The following ZNF320 variants were observed in gnomAD, a reference collection of about 807,000 sequenced individuals.
ZNF320 encodes zinc finger protein 320.
In ZNF320, 2 loss-of-function variants were observed where a neutral mutation model predicts 6.8. The observed-to-expected ratio is 0.29, with a 90% CI of 0.12 to 0.93. The LOEUF is 0.93. Among genes scored for constraint, ZNF320 ranks in the 40% least tolerant of loss-of-function variants. ZNF320 has a pLI of 0.55. For synonymous variants in ZNF320, 208 were observed against 203.2 expected (o/e 1.02, Z -0.20); for missense variants, 472 against 611.0 (o/e 0.77, Z 2.40).
At chr19:52,887,201 T>A (rs1463442604) in intron 5 of ZNF320, among the ~76,000 whole-genome samples, 1 of 152,040 alleles carries the variant, frequency 6.6e-6, no homozygotes, top group African/African-American at 2.4e-5. Context: ...CCATCTGAGC[T>A]CTTACCTGCG....
At chr19:52,869,460 G>C (rs2063639591) in intron 5 of ZNF320, among the ~76,000 whole-genome samples, 1 of 152,204 alleles carries the variant, frequency 6.6e-6, no homozygotes, top group South Asian at 2.1e-4. Context: ...TGAGTAGGTA[G>C]AGCTGTGTTT....
downstream of ZNF320, among the ~76,000 whole-genome samples, chr19:52,860,612 A>G (rs936316131): frequency 7.5e-6 from 1 of 133,602 alleles, no homozygotes; most frequent in African/African-American, 2.8e-5. Context: ...AAAAAAAAAG[A>G]AAAAGAAAAA....
exon 6 of ZNF320, chr19:52,861,889 CGTGAA>C (rs1283159694): frequency 8.1e-6 from 3 of 372,072 alleles, no homozygotes; most frequent in Non-Finnish European, 1.1e-5. Context: ...GACTTGTGAA[CGTGAA>C]GTAAAGACTT....
chr19:52,865,318 AT>A, intron 5 of ZNF320: 1 of 287,500 alleles, frequency 3.5e-6, no homozygotes, highest in Non-Finnish European at 6.6e-6. Context: ...ACGGTACCCC[AT>A]TTCAAATATA....
At chr19:52,892,350 GA>G (rs2064321903) in intron 2 of ZNF320, 1 of 152,390 alleles carries the variant, frequency 6.6e-6, no homozygotes, top group Admixed American at 6.6e-5. Flanking sequence ...TGGGCAACAA[GA>G]GTGAAACTGT....
At position 52,866,937 on chromosome 19, in the gene ZNF320, G is replaced by A. The variant is rs549387509; in HGVS notation, c.224-2778C>T. Among the ~76,000 whole-genome samples, 5 of 150,066 alleles carry A rather than the reference G, an allele frequency of 3.3e-5. No homozygotes were observed. The East Asian group carries it at 5.9e-4, about 18-fold the overall frequency. On this transcript the variant is annotated intron_variant, in intron 5 of 5. Transcript: ENST00000673631. Reference sequence around the variant, plus strand: ...TCAGACGGCTGAATTATGATGTCACGACTACAGTTAAATAACAGTCAGGCA... The same window carrying A: ...TCAGACGGCTGAATTATGATGTCACAACTACAGTTAAATAACAGTCAGGCA...
At chr19:52,867,588 A>T (rs1438558406) in intron 5 of ZNF320, among the ~76,000 whole-genome samples, 1 of 151,884 alleles carries the variant, frequency 6.6e-6, no homozygotes, top group Non-Finnish European at 1.5e-5. Flanking sequence ...CATGAATAGG[A>T]CCAGTGCTTT....
chr19:52,865,434 T>TTATATATATATATATA (rs1555814106), intron 5 of ZNF320: 2 of 152,782 alleles, frequency 1.3e-5, no homozygotes, highest in African/African-American at 6.3e-5. Flanking sequence ...GGTCCAGGCT[T>TTATATATATATATATA]TATATATATA....
chr19:52,886,678 G>A (rs974371752), intron 5 of ZNF320, among the ~76,000 whole-genome samples: 1 of 152,256 alleles, frequency 6.6e-6, no homozygotes, highest in East Asian at 1.9e-4. Context: ...GCTCGCGCCT[G>A]TAATCCCAGC....
intron 3 of ZNF320, among the ~76,000 whole-genome samples, chr19:52,890,669 T>A (rs979538653): frequency 7.4e-5 from 11 of 149,094 alleles, no homozygotes; most frequent in African/African-American, 2.5e-4. Context: ...CTCAGGAGTT[T>A]GTGACTAGCC....
chr19:52,869,803 T>C (rs545543764), intron 5 of ZNF320, among the ~76,000 whole-genome samples: 31 of 152,064 alleles, frequency 2.0e-4, no homozygotes, highest in Middle Eastern at 3.4e-3. Context: ...GCAACTTCCG[T>C]CTAATGGTTT....
chr19:52,864,157 T>C lies in ZNF320; in HGVS notation c.226A>G (p.Ile76Val), dbSNP rs773916766. ...TAGCCACATCTCTGAAAGTCAAGTA[T>C]CCCTAAAATGAGAAACACGTTTAAA... Residue 76 changes from isoleucine to valine, a missense_variant and splice_region_variant, in exon 6 of 6, where the codon ATA (isoleucine) becomes GTA (valine). Coordinates refer to the ZNF320 transcript ENST00000673631. 2.0e-5 allele frequency: 5 copies of C among 254,404 alleles called. No individual in the cohort carries two copies. In the East Asian group the frequency reaches 4.8e-4, roughly 25 times the overall value. 15.8% of individuals were successfully genotyped at this position (254,404 alleles called of 1,614,324 possible). A position where few individuals can be genotyped will look rare whatever the true frequency, so the allele number is the denominator to read the frequency against.
chr19:52,867,186 A>AT (rs1177943523), intron 5 of ZNF320, among the ~76,000 whole-genome samples: 56 of 151,612 alleles, frequency 3.7e-4, no homozygotes, highest in African/African-American at 7.3e-4. Context: ...TAATTAATTA[A>AT]TTAATTTATT....
rs572910789 is a variant in ZNF320, at chr19:52,866,066, TTA to T, written c.224-1909_224-1908del. Among the ~76,000 whole-genome samples the T allele has an allele frequency of 3.1e-3, 381 of 124,624 alleles. 17 individuals are homozygous for T. The highest frequency in any genetic ancestry group is 4.6e-3 in the Non-Finnish European group (285 of 62,240). The allele number at this position is 124,624 out of a possible 152,430, so 81.8% of individuals were successfully genotyped here. ...TACATATATATGATTATACATATAT[TTA>T]TATATATGATTATACATATATTTAT... is the stretch of plus-strand genomic sequence containing the variant. On this transcript the variant is annotated intron_variant, in intron 5 of 5. Transcript: ENST00000673631.
At chr19:52,861,361 A>G (rs2063486051) in exon 6 of ZNF320, among the ~76,000 whole-genome samples, 1 of 152,240 alleles carries the variant, frequency 6.6e-6, no homozygotes. Context: ...GATTAAAAAC[A>G]TATATAAATA....
chr19:52,896,181 C>G (rs997637044), intron 1 of ZNF320, among the ~76,000 whole-genome samples: 3 of 152,088 alleles, frequency 2.0e-5, no homozygotes, highest in African/African-American at 7.2e-5. Flanking sequence ...CAACCTCCCC[C>G]TCCCTGTCCA....
chr19:52,903,704 G>GTT, the ZNF320 span, among the ~76,000 whole-genome samples: 56 of 149,798 alleles, frequency 3.7e-4, no homozygotes, highest in African/African-American at 1.1e-3. Flanking sequence ...CCTGAACTAT[G>GTT]TTTTTTTTTT....
chr19:52,890,375 C>G, intron 3 of ZNF320, 47 bp from the exon 4 acceptor site: 1 of 1,383,478 alleles, frequency 7.2e-7, no homozygotes, highest in Non-Finnish European at 9.9e-7. Context: ...CAACACACCC[C>G]CTCCCCATAA....
upstream of ZNF320, among the ~76,000 whole-genome samples, chr19:52,902,108 A>G (rs538470711): frequency 1.3e-5 from 2 of 152,254 alleles, no homozygotes; most frequent in Admixed American, 1.3e-4. Flanking sequence ...CAATACCACC[A>G]CACATCTGCT....
Sources: allele counts gnomAD v4.1 joint callset (sites outside exome capture counted in the v4.1 genomes callset), GRCh38; gene constraint gnomAD v4.1.1; transcripts MANE v1.5; gene names NCBI Gene and HGNC (gene_info 2026-07-23, HGNC 2026-07-21).